STX8: variants seen among roughly 807,000 people sequenced by gnomAD.
STX8 encodes the protein syntaxin-8.
In STX8, 23 loss-of-function variants were observed where a neutral mutation model predicts 37.5. That is an observed-to-expected ratio of 0.61 (90% CI 0.44 to 0.87). The LOEUF (loss-of-function observed/expected upper bound fraction) is 0.87. Ranked by LOEUF, STX8 falls within the 40% of genes least tolerant of loss-of-function variation. The probability of loss-of-function intolerance (pLI) is 0.00; values close to 1 mark genes in which losing one functional copy is unlikely to be tolerated. For synonymous variants in STX8, 115 were observed against 99.1 expected, an observed-to-expected ratio of 1.16 and a Z score of -0.95; for missense variants, 313 against 284.7, an observed-to-expected ratio of 1.10 and a Z score of -0.71.
intron 6 of STX8, among the ~76,000 whole-genome samples, chr17:9,379,181 GT>G (rs1309750990): frequency 6.7e-6 from 1 of 150,072 alleles, no homozygotes; most frequent in Non-Finnish European, 1.5e-5. Flanking sequence ...GGAGGCAGAG[GT>G]TGCACTGAGC....
intron 6 of STX8, among the ~76,000 whole-genome samples, chr17:9,473,487 T>G (rs1461138616): frequency 2.6e-5 from 4 of 152,200 alleles, no homozygotes; most frequent in African/African-American, 7.2e-5. Context: ...TAAAATGGTG[T>G]AGCATTTACA....
rs560906814 is a variant in STX8 at position 9,539,126 on chromosome 17, A to C, written c.323+6046T>G. ...CAGTAATCCGTAAGGTAAAACTAAG[A>C]TTCTGTCACATGACAGCTATACATT... On this transcript the variant is annotated intron_variant, in intron 4 of 7. Coordinates refer to ENST00000306357, the MANE Select transcript of STX8 (RefSeq NM_004853.3). 5.9e-5 allele frequency among the ~76,000 whole-genome samples: 9 copies of C among 152,336 alleles called. No individual in the cohort carries two copies. The South Asian group carries it at 1.9e-3, about 32-fold the overall frequency.
At chr17:9,281,707 G>A (rs960499421) in intron 7 of STX8, among the ~76,000 whole-genome samples, 2 of 152,206 alleles carry the variant, frequency 1.3e-5, no homozygotes, top group Non-Finnish European at 2.9e-5. Flanking sequence ...GCCGAGGCAG[G>A]TGGATTACCT....
chr17:9,423,156 C>A (rs1300062107), intron 6 of STX8, among the ~76,000 whole-genome samples: 1 of 152,152 alleles, frequency 6.6e-6, no homozygotes, highest in Non-Finnish European at 1.5e-5. Context: ...GTTCACTTTT[C>A]ATTTTGTACC....
intron 7 of STX8, among the ~76,000 whole-genome samples, chr17:9,349,296 C>T (rs894565801): frequency 2.7e-5 from 4 of 149,030 alleles, no homozygotes; most frequent in Non-Finnish European, 5.9e-5. Flanking sequence ...TGCACCCGGC[C>T]GATAAATTTA....
intron 7 of STX8, among the ~76,000 whole-genome samples, chr17:9,263,630 A>C (rs1239339743): frequency 6.6e-6 from 1 of 152,160 alleles, no homozygotes; most frequent in Non-Finnish European, 1.5e-5. Flanking sequence ...CTGTTACTAG[A>C]CTTTGAGGTT....
chr17:9,315,070 C>T (rs1239291344), intron 7 of STX8, among the ~76,000 whole-genome samples: 2 of 147,132 alleles, frequency 1.4e-5, no homozygotes, highest in Non-Finnish European at 3.0e-5. Flanking sequence ...CCACTGCACT[C>T]CAGCCTGGCG....
At chr17:9,282,245 G>C (rs892992867) in intron 7 of STX8, among the ~76,000 whole-genome samples, 2 of 152,056 alleles carry the variant, frequency 1.3e-5, no homozygotes, top group African/African-American at 2.4e-5. Flanking sequence ...CCATTCTCCT[G>C]CCTCAGCCCC....
intron 7 of STX8, among the ~76,000 whole-genome samples, chr17:9,322,096 G>A (rs947251003): frequency 6.6e-6 from 1 of 152,182 alleles, no homozygotes; most frequent in South Asian, 2.1e-4. Context: ...ATCAGAATAC[G>A]TTCGTCCCAG....
At chr17:9,514,538 G>A (rs181884313) in intron 4 of STX8, among the ~76,000 whole-genome samples, 18 of 152,192 alleles carry the variant, frequency 1.2e-4, no homozygotes, top group South Asian at 6.2e-4. Context: ...CTCAGGAGGC[G>A]GATGTTGCAG....
chr17:9,275,586 C>T (rs570868782), intron 7 of STX8, among the ~76,000 whole-genome samples: 1 of 152,176 alleles, frequency 6.6e-6, no homozygotes, highest in African/African-American at 2.4e-5. Flanking sequence ...ATGGGGATAA[C>T]AGGTTGGGCG....
At chr17:9,286,831 G>C (rs146689078) in intron 7 of STX8, among the ~76,000 whole-genome samples, 26 of 152,276 alleles carry the variant, frequency 1.7e-4, no homozygotes, top group African/African-American at 5.5e-4. Flanking sequence ...TGGCGTGGTA[G>C]TAGAAACAGT....
chr17:9,391,391 G>A (rs965923023), intron 6 of STX8, among the ~76,000 whole-genome samples: 1 of 152,080 alleles, frequency 6.6e-6, no homozygotes, highest in African/African-American at 2.4e-5. Context: ...AGTGGAGGTT[G>A]CAGTGAGCGG....
intron 1 of STX8, among the ~76,000 whole-genome samples, chr17:9,573,447 G>C (rs2151920515): frequency 6.6e-6 from 1 of 152,168 alleles, no homozygotes; most frequent in Middle Eastern, 3.4e-3. Context: ...TGACCTGGAA[G>C]CCCCCCACGC....
chr17:9,404,919 T>C (rs1912753428), intron 6 of STX8, among the ~76,000 whole-genome samples: 1 of 152,190 alleles, frequency 6.6e-6, no homozygotes, highest in Admixed American at 6.5e-5. Flanking sequence ...GTGGTGTCTG[T>C]TAGCTCTTGA....
intron 6 of STX8, among the ~76,000 whole-genome samples, chr17:9,481,708 G>C (rs2142455600): frequency 6.6e-6 from 1 of 152,262 alleles, no homozygotes; most frequent in African/African-American, 2.4e-5. Flanking sequence ...GTTAGGAACC[G>C]AGCCACACAG....
intron 6 of STX8, among the ~76,000 whole-genome samples, chr17:9,486,103 A>G (rs190204617): frequency 1.3e-5 from 2 of 152,338 alleles, no homozygotes; most frequent in East Asian, 3.9e-4. Flanking sequence ...TAACTCACCT[A>G]TAAAAAATCA....
chr17:9,263,922 G>A (rs1462102491), intron 7 of STX8, among the ~76,000 whole-genome samples: 2 of 152,208 alleles, frequency 1.3e-5, no homozygotes, highest in Non-Finnish European at 2.9e-5. Context: ...AGCCCTTTGT[G>A]ACTACCTCAC....
chr17:9,396,457 C>T (rs936634009), intron 6 of STX8, among the ~76,000 whole-genome samples: 8 of 151,424 alleles, frequency 5.3e-5, no homozygotes, highest in Admixed American at 2.6e-4. Context: ...CTGAGGTGGG[C>T]GGGTCATCTG....
Sources: gnomAD v4.1 joint callset for allele counts (sites outside exome capture counted in the v4.1 genomes callset) on GRCh38, gnomAD v4.1.1 for gene constraint, MANE v1.5 for transcripts, NCBI Gene and HGNC (gene_info 2026-07-23, HGNC 2026-07-21) for gene names.